ROBO2: variants seen among roughly 807,000 people sequenced by gnomAD.
ROBO2 encodes the protein roundabout guidance receptor 2.
A neutral mutation model predicts 160.8 loss-of-function variants in ROBO2; 53 were observed. That is an observed-to-expected ratio of 0.33 (90% CI 0.26 to 0.41). The LOEUF is 0.41. ROBO2 is among the 10% of genes least tolerant of loss of function. The probability of loss-of-function intolerance (pLI) is 1.00; values close to 1 mark genes in which losing one functional copy is unlikely to be tolerated. For synonymous variants in ROBO2, 664 were observed against 611.7 expected (o/e 1.09, Z -1.26); for missense variants, 1,577 against 1,722.4 (o/e 0.92, Z 1.49).
intron 2 of ROBO2, among the ~76,000 whole-genome samples, chr3:76,788,043 AC>A (rs1449438037): frequency 2.0e-5 from 3 of 151,120 alleles, no homozygotes; most frequent in African/African-American, 7.3e-5. Context: ...AACAAACAAG[AC>A]TTTTTTTTTT....
At chr3:76,256,344 TC>T (rs1706375037) in intron 2 of ROBO2, among the ~76,000 whole-genome samples, 1 of 81,070 alleles carries the variant, frequency 1.2e-5, no homozygotes, top group Non-Finnish European at 2.4e-5. Flanking sequence ...TCTCTCTCTC[TC>T]TCTCTCTCAC....
intron 2 of ROBO2, among the ~76,000 whole-genome samples, chr3:76,182,415 C>T (rs983895645): frequency 2.6e-5 from 4 of 152,120 alleles, no homozygotes; most frequent in African/African-American, 9.7e-5. Flanking sequence ...TATTCAATGG[C>T]AGTTTTCTGT....
At chr3:76,124,059 G>GT (rs370279633) in intron 2 of ROBO2, among the ~76,000 whole-genome samples, 22 of 151,774 alleles carry the variant, frequency 1.4e-4, no homozygotes, top group African/African-American at 4.6e-4. Flanking sequence ...AAAATAATGA[G>GT]TTTTTTTGTT....
chr3:76,107,662 T>C (rs1487999734), intron 2 of ROBO2, among the ~76,000 whole-genome samples: 2 of 152,092 alleles, frequency 1.3e-5, no homozygotes, highest in Non-Finnish European at 2.9e-5. Flanking sequence ...GAAATTAAGG[T>C]ACAGACATGT....
At chr3:76,386,015 T>G (rs886151647) in intron 2 of ROBO2, among the ~76,000 whole-genome samples, 2 of 152,148 alleles carry the variant, frequency 1.3e-5, no homozygotes, top group Non-Finnish European at 2.9e-5. Flanking sequence ...TGAAACAAAT[T>G]TTGTTTTACC....
chr3:76,190,913 A>T (rs1232485534), intron 2 of ROBO2, among the ~76,000 whole-genome samples: 2 of 152,058 alleles, frequency 1.3e-5, no homozygotes, highest in African/African-American at 4.8e-5. Flanking sequence ...GCCAGACTTG[A>T]TGTTTTTTGA....
At chr3:77,432,241 T>A (rs1030397434) in intron 2 of ROBO2, among the ~76,000 whole-genome samples, 2 of 152,164 alleles carry the variant, frequency 1.3e-5, no homozygotes, top group African/African-American at 4.8e-5. Context: ...TTATAGGAAA[T>A]GTAAGGAATG....
At position 76,538,151 on chromosome 3, in the gene ROBO2, T is replaced by TCACACACACACA. The variant is rs3223397; in HGVS notation, c.110-559841_110-559830dup. ...CTTTGGCTCAGAGGCCTGACAGAACTCACACACACACACACACACACACAC... is the reference window on the plus strand; with the variant it reads ...CTTTGGCTCAGAGGCCTGACAGAACTCACACACACACACACACACACACACACACACACACAC... On this transcript the variant is annotated intron_variant, in intron 2 of 26. Transcript: ENST00000487694. 2.7e-3 allele frequency among the ~76,000 whole-genome samples: 392 copies of TCACACACACACA among 146,342 alleles called. 2 individuals are homozygous for TCACACACACACA. The highest frequency in any genetic ancestry group is 9.7e-3 in the African/African-American group (384 of 39,438).
chr3:77,260,528 T>A (rs182401468), intron 2 of ROBO2, among the ~76,000 whole-genome samples: 43 of 152,280 alleles, frequency 2.8e-4, no homozygotes, highest in African/African-American at 9.1e-4. Flanking sequence ...CAAAGGTGAT[T>A]CAAGCAGATT....
intron 1 of ROBO2, among the ~76,000 whole-genome samples, chr3:77,081,380 G>A (rs375676861): frequency 6.6e-6 from 1 of 152,162 alleles, no homozygotes; most frequent in South Asian, 2.1e-4. Flanking sequence ...ATCCAAAGGT[G>A]ATCTCACCTC....
intron 2 of ROBO2, among the ~76,000 whole-genome samples, chr3:76,068,114 A>T (rs4566540): frequency 0.62 from 94,735 of 151,942 alleles, 30,179 homozygotes; most frequent in African/African-American, 0.75. Flanking sequence ...GTGAGCAAAG[A>T]CGCAAAGGAA....
intron 2 of ROBO2, among the ~76,000 whole-genome samples, chr3:76,689,999 A>G (rs1160119055): frequency 6.6e-6 from 1 of 152,112 alleles, no homozygotes; most frequent in Non-Finnish European, 1.5e-5. Flanking sequence ...TACTCCCACA[A>G]TAGGTGAAAT....
At chr3:76,795,227 G>A (rs1171586541) in intron 2 of ROBO2, among the ~76,000 whole-genome samples, 1 of 152,062 alleles carries the variant, frequency 6.6e-6, no homozygotes, top group Non-Finnish European at 1.5e-5. Context: ...TCAGGGTGGT[G>A]GTTGAAGGTT....
chr3:76,695,906 A>C (rs1051929034), intron 2 of ROBO2, among the ~76,000 whole-genome samples: 10 of 151,772 alleles, frequency 6.6e-5, no homozygotes, highest in African/African-American at 2.4e-4. Context: ...AGTAGTGCAC[A>C]TTTGATTTGA....
intron 2 of ROBO2, among the ~76,000 whole-genome samples, chr3:76,962,637 T>A (rs1292338068): frequency 1.3e-3 from 68 of 53,224 alleles, no homozygotes; most frequent in African/African-American, 3.6e-3. Flanking sequence ...AAACTCGATC[T>A]CAGAAAAAAA....
At chr3:76,916,594 C>A (rs1185054131) in intron 2 of ROBO2, among the ~76,000 whole-genome samples, 1 of 149,822 alleles carries the variant, frequency 6.7e-6, no homozygotes, top group African/African-American at 2.4e-5. Flanking sequence ...CCACCCAGGC[C>A]TCCCAAAGTG....
In ROBO2 at chr3:77,420,704, C is replaced by T. The variant is rs559934062; in HGVS notation, c.389-56710C>T. On this transcript the variant is annotated intron_variant, in intron 2 of 25. Coordinates refer to ENST00000461745, the Ensembl canonical transcript of ROBO2. Reference sequence around the variant, plus strand: ...TAGAAAATGTGTCATTAGTTAACTCCTGGAGTGCCTGAAGCTCCTTTCAGG... The same window carrying T: ...TAGAAAATGTGTCATTAGTTAACTCTTGGAGTGCCTGAAGCTCCTTTCAGG... 3.3e-5 allele frequency among the ~76,000 whole-genome samples: 5 copies of T among 152,232 alleles called. No individual in the cohort carries two copies. In the South Asian group the frequency reaches 1.0e-3, roughly 32 times the overall value.
intron 2 of ROBO2, among the ~76,000 whole-genome samples, chr3:76,742,289 A>G (rs2093814965): frequency 6.6e-6 from 1 of 152,176 alleles, no homozygotes; most frequent in Non-Finnish European, 1.5e-5. Flanking sequence ...GGGCTAGACA[A>G]TGATTAAATC....
chr3:77,202,256 G>T (rs62251828), intron 2 of ROBO2, among the ~76,000 whole-genome samples: 5,824 of 152,188 alleles, frequency 0.038, 148 homozygotes, highest in African/African-American at 0.064. Flanking sequence ...GTTGATCATT[G>T]TGACTGTACA....
Sources: gnomAD v4.1 joint callset for allele counts (sites outside exome capture counted in the v4.1 genomes callset) on GRCh38, gnomAD v4.1.1 for gene constraint, MANE v1.5 for transcripts, NCBI Gene and HGNC (gene_info 2026-07-23, HGNC 2026-07-21) for gene names.